The following H2AC11 variants were observed in gnomAD, a reference collection of about 807,000 sequenced individuals.
H2AC11 encodes H2A clustered histone 11, also known as histone H2A type 1.
In H2AC11, 8 loss-of-function variants were observed where a neutral mutation model predicts 5.9. The observed-to-expected ratio is 1.35, with a 90% confidence interval of 0.79 to 2.44. The LOEUF is 2.44. Among genes scored for constraint, H2AC11 ranks in the 30% most tolerant of loss-of-function variants. The probability of loss-of-function intolerance (pLI) is 0.00; values close to 1 mark genes in which losing one functional copy is unlikely to be tolerated. For synonymous variants in H2AC11, 161 were observed against 81.9 expected (o/e 1.96, Z -5.21); for missense variants, 189 against 178.6 (o/e 1.06, Z -0.33).
At position 27,133,383 on chromosome 6, in the gene H2AC11, A is replaced by G. The variant is rs755836064; in HGVS notation, c.312A>G (p.Ala104=). 12 of 1,614,096 alleles carry G rather than the reference A, an allele frequency of 7.4e-6. No homozygotes were observed. Among genetic ancestry groups the G allele is most frequent in the East Asian group, 6.7e-5 (3 of 44,892 alleles). Residue 104 remains alanine (A), a synonymous_variant, in exon 1 of 1, where the codon GCA becomes GCG. Transcript: ENST00000359193. ...LNKLLGKVTI[A]QGGVLPNIQA... ...AGCTGCTGGGCAAAGTCACCATCGCACAGGGCGGTGTCCTGCCCAACATTC... is the reference window on the plus strand; with the variant it reads ...AGCTGCTGGGCAAAGTCACCATCGCGCAGGGCGGTGTCCTGCCCAACATTC...
Position 27,133,512 on chromosome 6 carries a change from A to G in H2AC11, c.*48A>G, listed in dbSNP as rs1322843450. On this transcript the variant is annotated 3_prime_UTR_variant, in exon 1 of 1. Transcript: ENST00000359193. ...GCTCAAGTAAAATCGAGTCCAAACC[A>G]ACGGCTCTTTTCAGGGCCACCCACG... 1.3e-6 allele frequency: 2 copies of G among 1,586,032 alleles called. No homozygotes were observed. Among genetic ancestry groups the G allele is most frequent in the Non-Finnish European group, 1.7e-6 (2 of 1,163,396 alleles).
At position 27,133,119 on chromosome 6, in the gene H2AC11, G is replaced by T. The variant is rs771478657; in HGVS notation, c.48G>T (p.Lys16Asn). ...KQGGKARAKA[K>N]TRSSRAGLQF... ...GAGGCAAAGCCCGCGCTAAGGCCAA[G>T]ACTCGCTCTTCTAGGGCCGGTCTCC... is the stretch of plus-strand genomic sequence containing the variant. The change falls in exon 1 of 1, where the codon AAG becomes AAT. Residue 16 changes from lysine (K) to asparagine (N), a missense_variant. Lys to Asn is a moderately conservative substitution (Grantham distance 94). Transcript: ENST00000359193. The T allele has an allele frequency of 1.2e-6, 2 of 1,613,868 alleles. No homozygotes were observed. Among genetic ancestry groups the T allele is most frequent in the Admixed American group, 1.7e-5 (1 of 60,008 alleles).
In H2AC11 at chr6:27,133,251, C is replaced by T. The variant is rs755495139; in HGVS notation, c.180C>T (p.Thr60=). The T allele has an allele frequency of 3.7e-6, 6 of 1,614,060 alleles. No individual in the cohort carries two copies. Among genetic ancestry groups the T allele is most frequent in the South Asian group, 3.3e-5 (3 of 91,088 alleles). ...VYLAAVLEYL[T]AEILELAGNA... ...TGGCAGCGGTGCTGGAGTACCTGAC[C>T]GCCGAGATCCTGGAACTGGCGGGCA... Residue 60 remains threonine, a synonymous_variant, in exon 1 of 1, where the codon ACC becomes ACT. Coordinates refer to ENST00000359193, the MANE Select transcript of H2AC11 (RefSeq NM_021064.5).
At position 27,133,221 on chromosome 6, in the gene H2AC11, G is replaced by T. The variant is rs776285239; in HGVS notation, c.150G>T (p.Val50=). 6.2e-7 allele frequency: 1 copy of T among 1,614,136 alleles called. No individual in the cohort carries two copies. The highest frequency in any genetic ancestry group is 2.2e-5 in the East Asian group (1 of 44,868). Reference sequence around the variant, plus strand: ...AGCGGGTCGGGGCCGGCGCGCCGGTGTATCTGGCAGCGGTGCTGGAGTACC... The same window carrying T: ...AGCGGGTCGGGGCCGGCGCGCCGGTTTATCTGGCAGCGGTGCTGGAGTACC... The part of the protein sequence containing the change: ...YAERVGAGAP[V]YLAAVLEYLT... Residue 50 remains valine, a synonymous_variant, in exon 1 of 1, where the codon GTG becomes GTT. Transcript: ENST00000359193.
At position 27,133,302 on chromosome 6, in the gene H2AC11, C is replaced by A. The variant is rs755443242; in HGVS notation, c.231C>A (p.Thr77=). The change falls in exon 1 of 1, where the codon ACC becomes ACA. Residue 77 remains threonine (T), a synonymous_variant. Coordinates refer to ENST00000359193, the MANE Select transcript of H2AC11 (RefSeq NM_021064.5). The part of the protein sequence containing the change: ...AGNAARDNKK[T]RIIPRHLQLA... ...ACGCGGCCCGCGACAACAAGAAGAC[C>A]CGCATCATCCCGCGTCATCTCCAAC... 1 of 1,614,166 alleles carries A rather than the reference C, an allele frequency of 6.2e-7. No individual in the cohort carries two copies. The highest frequency in any genetic ancestry group is 8.5e-7 in the Non-Finnish European group (1 of 1,180,040).
rs368672815 is a variant in H2AC11 at position 27,133,189 on chromosome 6, T to C, written c.118T>C (p.Tyr40His). The change falls in exon 1 of 1, where the codon TAT (tyrosine) becomes CAT (histidine). Residue 40 changes from tyrosine to histidine, a missense_variant. Physicochemically the swap from Tyr to His is moderately conservative, Grantham distance 83. Transcript: ENST00000359193. Reference protein sequence around the residue: ...RVHRLLRKGNYAERVGAGAPV... With the variant: ...RVHRLLRKGNHAERVGAGAPV... Reference sequence around the variant, plus strand: ...GCACCGCCTGCTCCGCAAAGGCAACTATGCCGAGCGGGTCGGGGCCGGCGC... The same window carrying C: ...GCACCGCCTGCTCCGCAAAGGCAACCATGCCGAGCGGGTCGGGGCCGGCGC... The C allele has an allele frequency of 4.1e-5, 66 of 1,613,980 alleles. No homozygotes were observed. Among genetic ancestry groups the C allele is most frequent in the Non-Finnish European group, 5.5e-5 (65 of 1,179,988 alleles).
Position 27,133,143 on chromosome 6 carries a change from C to T in H2AC11, c.72C>T (p.Leu24=), listed in dbSNP as rs143036813. Residue 24 remains leucine, a synonymous_variant, in exon 1 of 1, where the codon CTC becomes CTT. Transcript: ENST00000359193. ...KAKTRSSRAG[L]QFPVGRVHRL... ...AGACTCGCTCTTCTAGGGCCGGTCT[C>T]CAGTTCCCCGTGGGCCGAGTGCACC... 1.2e-5 allele frequency: 20 copies of T among 1,613,978 alleles called. No individual in the cohort carries two copies. Among genetic ancestry groups the T allele is most frequent in the South Asian group, 3.3e-5 (3 of 91,072 alleles).
chr6:27,133,223 A>G lies in H2AC11; in HGVS notation c.152A>G (p.Tyr51Cys), dbSNP rs1397159671. 1 of 1,614,092 alleles carries G rather than the reference A, an allele frequency of 6.2e-7. No individual in the cohort carries two copies. Among genetic ancestry groups the G allele is most frequent in the Admixed American group, 1.7e-5 (1 of 60,028 alleles). ...AERVGAGAPV[Y>C]LAAVLEYLTA... ...CGGGTCGGGGCCGGCGCGCCGGTGT[A>G]TCTGGCAGCGGTGCTGGAGTACCTG... Residue 51 changes from tyrosine to cysteine, a missense_variant, in exon 1 of 1, where the codon TAT becomes TGT. Transcript: ENST00000359193.
rs758679837 is a variant in H2AC11, at chr6:27,133,115, C to T, written c.44C>T (p.Ala15Val). 7 of 1,613,792 alleles carry T rather than the reference C, an allele frequency of 4.3e-6. No homozygotes were observed. The Admixed American group carries it at 1.2e-4, about 27-fold the overall frequency. The change falls in exon 1 of 1, where the codon GCC (alanine) becomes GTC (valine). Residue 15 changes from alanine (A) to valine (V), a missense_variant. Transcript: ENST00000359193. ...CAGGGAGGCAAAGCCCGCGCTAAGGCCAAGACTCGCTCTTCTAGGGCCGGT... is the reference window on the plus strand; with the variant it reads ...CAGGGAGGCAAAGCCCGCGCTAAGGTCAAGACTCGCTCTTCTAGGGCCGGT... ...GKQGGKARAK[A>V]KTRSSRAGLQ...
rs746745723 is a variant in H2AC11 at position 27,133,422 on chromosome 6, G to T, written c.351G>T (p.Leu117=). ...TGCCCAACATTCAGGCCGTGCTACT[G>T]CCCAAAAAGACTGAGAGCCACCACA... is the stretch of plus-strand genomic sequence containing the variant. ...GVLPNIQAVL[L]PKKTESHHKA... Residue 117 remains leucine, a synonymous_variant, in exon 1 of 1, where the codon CTG becomes CTT. Coordinates refer to ENST00000359193, the MANE Select transcript of H2AC11 (RefSeq NM_021064.5). The T allele has an allele frequency of 1.7e-5, 27 of 1,614,196 alleles. No homozygotes were observed. The highest frequency in any genetic ancestry group is 1.5e-4 in the Admixed American group (9 of 60,028).
At position 27,133,133 on chromosome 6, in the gene H2AC11, G is replaced by A. The variant is rs1051656339; in HGVS notation, c.62G>A (p.Arg21Lys). 5.0e-6 allele frequency: 8 copies of A among 1,613,952 alleles called. No homozygotes were observed. The highest frequency in any genetic ancestry group is 1.1e-5 in the South Asian group (1 of 91,068). ...GCTAAGGCCAAGACTCGCTCTTCTA[G>A]GGCCGGTCTCCAGTTCCCCGTGGGC... Reference protein sequence around the residue: ...ARAKAKTRSSRAGLQFPVGRV... With the variant: ...ARAKAKTRSSKAGLQFPVGRV... The change falls in exon 1 of 1, where the codon AGG (arginine) becomes AAG (lysine). Residue 21 changes from arginine (R) to lysine (K), a missense_variant. Arg to Lys is a conservative substitution (Grantham distance 26, BLOSUM62 2). Transcript: ENST00000359193.
chr6:27,133,347 G>C lies in H2AC11; in HGVS notation c.276G>C (p.Glu92Asp). 1 of 1,614,182 alleles carries C rather than the reference G, an allele frequency of 6.2e-7. No homozygotes were observed. The highest frequency in any genetic ancestry group is 8.5e-7 in the Non-Finnish European group (1 of 1,180,038). ...RHLQLAIRND[E>D]ELNKLLGKVT... ...TCCAACTGGCCATCCGCAACGACGA[G>C]GAGCTCAACAAGCTGCTGGGCAAAG... The change falls in exon 1 of 1, where the codon GAG (glutamate) becomes GAC (aspartate). Residue 92 changes from glutamate (E) to aspartate (D), a missense_variant. By Grantham distance (45) the Glu-to-Asp change is conservative. Coordinates refer to ENST00000359193, the MANE Select transcript of H2AC11 (RefSeq NM_021064.5).
Position 27,133,065 on chromosome 6 carries a change from G to A in H2AC11, c.-7G>A, listed in dbSNP as rs142369462. The A allele has an allele frequency of 1.5e-4, 233 of 1,602,766 alleles. No homozygotes were observed. The East Asian group carries it at 5.0e-3, about 34-fold the overall frequency. ...TTTGTGGTTGCTCGTAGTGAGTTGC[G>A]CTCGCTATGTCTGGACGTGGCAAGC... On this transcript the variant is annotated 5_prime_UTR_variant, in exon 1 of 1. Transcript: ENST00000359193.
rs1377958631 is a variant in H2AC11 at position 27,133,455 on chromosome 6, G to A, written c.384G>A (p.Lys128=). Residue 128 remains lysine, a synonymous_variant, in exon 1 of 1, where the codon AAG becomes AAA. Transcript: ENST00000359193. The stretch of plus-strand genomic sequence containing the variant: ...AGACTGAGAGCCACCACAAGGCGAA[G>A]GGCAAGTAACTATCTGTACTAGTTT... ...PKKTESHHKA[K]GK 3 of 1,613,992 alleles carry A rather than the reference G, an allele frequency of 1.9e-6. No homozygotes were observed. The highest frequency in any genetic ancestry group is 1.3e-5 in the African/African-American group (1 of 75,062).
rs202086996 is a variant in H2AC11 at position 27,133,069 on chromosome 6, G to C, written c.-3G>C. On this transcript the variant is annotated 5_prime_UTR_variant, in exon 1 of 1. Transcript: ENST00000359193. Reference sequence around the variant, plus strand: ...TGGTTGCTCGTAGTGAGTTGCGCTCGCTATGTCTGGACGTGGCAAGCAGGG... The same window carrying C: ...TGGTTGCTCGTAGTGAGTTGCGCTCCCTATGTCTGGACGTGGCAAGCAGGG... 11 of 1,606,498 alleles carry C rather than the reference G, an allele frequency of 6.8e-6. No homozygotes were observed. The highest frequency in any genetic ancestry group is 3.4e-5 in the Admixed American group (2 of 59,130).
chr6:27,133,534 C>G lies in H2AC11; in HGVS notation c.*70C>G. 1 of 1,528,430 alleles carries G rather than the reference C, an allele frequency of 6.5e-7. No homozygotes were observed. Among genetic ancestry groups the G allele is most frequent in the Non-Finnish European group, 8.9e-7 (1 of 1,127,614 alleles). The allele number at this position is 1,528,430 out of a possible 1,614,324, so 94.7% of individuals were successfully genotyped here. ...ACCAACGGCTCTTTTCAGGGCCACC[C>G]ACGTCTTCTCTAAAAGAACTTAACA... On this transcript the variant is annotated 3_prime_UTR_variant, in exon 1 of 1. Coordinates refer to ENST00000359193, the MANE Select transcript of H2AC11 (RefSeq NM_021064.5).
At position 27,133,118 on chromosome 6, in the gene H2AC11, A is replaced by G. The variant is rs199773195; in HGVS notation, c.47A>G (p.Lys16Arg). The G allele has an allele frequency of 2.5e-6, 4 of 1,613,958 alleles. No homozygotes were observed. Among genetic ancestry groups the G allele is most frequent in the Admixed American group, 1.7e-5 (1 of 60,028 alleles). ...GGAGGCAAAGCCCGCGCTAAGGCCA[A>G]GACTCGCTCTTCTAGGGCCGGTCTC... is the stretch of plus-strand genomic sequence containing the variant. ...KQGGKARAKA[K>R]TRSSRAGLQF... The change falls in exon 1 of 1, where the codon AAG (lysine) becomes AGG (arginine). Residue 16 changes from lysine (K) to arginine (R), a missense_variant. Physicochemically the swap from Lys to Arg is conservative, Grantham distance 26 (BLOSUM62 2). Coordinates refer to ENST00000359193, the MANE Select transcript of H2AC11 (RefSeq NM_021064.5).
In H2AC11 at chr6:27,133,218, G is replaced by A. The variant is rs746697164; in HGVS notation, c.147G>A (p.Pro49=). The change falls in exon 1 of 1, where the codon CCG becomes CCA. Residue 49 remains proline, a synonymous_variant. Coordinates refer to ENST00000359193, the MANE Select transcript of H2AC11 (RefSeq NM_021064.5). ...NYAERVGAGA[P]VYLAAVLEYL... ...CCGAGCGGGTCGGGGCCGGCGCGCC[G>A]GTGTATCTGGCAGCGGTGCTGGAGT... 1.2e-6 allele frequency: 2 copies of A among 1,614,106 alleles called. No homozygotes were observed. Among genetic ancestry groups the A allele is most frequent in the African/African-American group, 1.3e-5 (1 of 75,064 alleles).
rs1206014719 is a variant in H2AC11 at position 27,133,155 on chromosome 6, G to A, written c.84G>A (p.Val28=). The part of the protein sequence containing the change: ...RSSRAGLQFP[V]GRVHRLLRKG... Reference sequence around the variant, plus strand: ...CTAGGGCCGGTCTCCAGTTCCCCGTGGGCCGAGTGCACCGCCTGCTCCGCA... The same window carrying A: ...CTAGGGCCGGTCTCCAGTTCCCCGTAGGCCGAGTGCACCGCCTGCTCCGCA... Residue 28 remains valine, a synonymous_variant, in exon 1 of 1, where the codon GTG becomes GTA. Coordinates refer to ENST00000359193, the MANE Select transcript of H2AC11 (RefSeq NM_021064.5). 6.8e-6 allele frequency: 11 copies of A among 1,613,964 alleles called. No individual in the cohort carries two copies. The highest frequency in any genetic ancestry group is 8.5e-6 in the Non-Finnish European group (10 of 1,180,018).
Sources: allele counts gnomAD v4.1 joint callset, GRCh38; gene constraint gnomAD v4.1.1; transcripts MANE v1.5; gene names NCBI Gene and HGNC (gene_info 2026-07-23, HGNC 2026-07-21).